The following ENTREP2 variants were observed in gnomAD, a reference collection of about 807,000 sequenced individuals.
The protein encoded by ENTREP2 is endosomal transmembrane epsin interactor 2.
chr15:29,273,777 C>G, the ENTREP2 span, among the ~76,000 whole-genome samples: 2 of 152,292 alleles, frequency 1.3e-5, no homozygotes, highest in Non-Finnish European at 1.5e-5. Flanking sequence ...TGGATGCCTC[C>G]TTCCCTTGAA....
chr15:29,334,736 C>T, the ENTREP2 span, among the ~76,000 whole-genome samples: 10 of 152,166 alleles, frequency 6.6e-5, no homozygotes, highest in African/African-American at 2.4e-4. Flanking sequence ...GCGAATGTGA[C>T]AGAGGTGACA....
chr15:29,130,575 A>T, the ENTREP2 span, among the ~76,000 whole-genome samples: 1 of 152,162 alleles, frequency 6.6e-6, no homozygotes, highest in Non-Finnish European at 1.5e-5. Flanking sequence ...AAAACAAGAG[A>T]AAGAAAATAT....
chr15:29,419,711 A>G, the ENTREP2 span, among the ~76,000 whole-genome samples: 1 of 152,236 alleles, frequency 6.6e-6, no homozygotes, highest in African/African-American at 2.4e-5. Context: ...CTGGACGCAC[A>G]TATTACCTTC....
At chr15:29,292,806 C>G in the ENTREP2 span, among the ~76,000 whole-genome samples, 1 of 152,142 alleles carries the variant, frequency 6.6e-6, no homozygotes, top group Non-Finnish European at 1.5e-5. Flanking sequence ...AAGGAGAGGG[C>G]TAGAGAGAGG....
the ENTREP2 span, among the ~76,000 whole-genome samples, chr15:29,331,693 C>T: frequency 1.3e-5 from 2 of 152,180 alleles, no homozygotes; most frequent in African/African-American, 4.8e-5. Context: ...GCAAGCTGAG[C>T]GGCTGGGAAG....
the ENTREP2 span, among the ~76,000 whole-genome samples, chr15:29,474,864 T>C: frequency 6.6e-6 from 1 of 152,152 alleles, no homozygotes; most frequent in Non-Finnish European, 1.5e-5. Context: ...GCCAAGGTCA[T>C]TTCTTCGGGG....
chr15:29,675,363 A>G, the ENTREP2 span: 1 of 151,578 alleles, frequency 6.6e-6, no homozygotes, highest in Non-Finnish European at 1.5e-5. Context: ...AGCCCGCGCG[A>G]CTCGCACGAG....
chr15:29,372,868 C>A, the ENTREP2 span, among the ~76,000 whole-genome samples: 5 of 152,020 alleles, frequency 3.3e-5, no homozygotes, highest in East Asian at 9.7e-4. Context: ...AGGAGAAATA[C>A]TGAATCGTTC....
chr15:29,233,644 T>C, the ENTREP2 span: 2 of 845,742 alleles, frequency 2.4e-6, no homozygotes, highest in East Asian at 4.8e-5. Context: ...GCTTAGTTTA[T>C]GCACTGTAAT....
chr15:29,573,811 T>C, the ENTREP2 span, among the ~76,000 whole-genome samples: 1 of 152,142 alleles, frequency 6.6e-6, no homozygotes, highest in East Asian at 1.9e-4. Context: ...TTTGGTCTGT[T>C]GGTGGGAGCT....
the ENTREP2 span, among the ~76,000 whole-genome samples, chr15:29,605,702 G>C: frequency 3.4e-5 from 3 of 89,508 alleles, no homozygotes; most frequent in Non-Finnish European, 7.2e-5. Flanking sequence ...TGGGCATGAT[G>C]GGGGGGTGCC....
the ENTREP2 span, among the ~76,000 whole-genome samples, chr15:29,585,363 G>A: frequency 4.6e-5 from 7 of 151,896 alleles, no homozygotes; most frequent in African/African-American, 1.7e-4. Context: ...TGAAACCCTC[G>A]AAAAAAAGAA....
the ENTREP2 span, among the ~76,000 whole-genome samples, chr15:29,581,479 A>G: frequency 2.0e-5 from 3 of 152,144 alleles, no homozygotes; most frequent in Admixed American, 2.0e-4. Context: ...ATCCATAAAC[A>G]CCTTCACAGA....
At chr15:29,651,277 G>A in the ENTREP2 span, among the ~76,000 whole-genome samples, 1 of 152,138 alleles carries the variant, frequency 6.6e-6, no homozygotes, top group South Asian at 2.1e-4. Flanking sequence ...TTGCAAACTA[G>A]ATTTTCAAAA....
chr15:29,356,756 A>C, the ENTREP2 span, among the ~76,000 whole-genome samples: 1 of 152,212 alleles, frequency 6.6e-6, no homozygotes, highest in African/African-American at 2.4e-5. Context: ...GGAGGGATAT[A>C]GTATTCCATG....
chr15:29,583,102 A>C, the ENTREP2 span, among the ~76,000 whole-genome samples: 1 of 152,238 alleles, frequency 6.6e-6, no homozygotes, highest in Non-Finnish European at 1.5e-5. Flanking sequence ...CGGCAAAAAG[A>C]CCAGGTGACT....
chr15:29,425,113 C>T, the ENTREP2 span, among the ~76,000 whole-genome samples: 1 of 152,130 alleles, frequency 6.6e-6, no homozygotes, highest in African/African-American at 2.4e-5. Flanking sequence ...ACTGCAAGCT[C>T]CACCTCCAGG....
the ENTREP2 span, among the ~76,000 whole-genome samples, chr15:29,585,484 T>C: frequency 6.6e-6 from 1 of 152,168 alleles, no homozygotes; most frequent in African/African-American, 2.4e-5. Context: ...ATGATCATAA[T>C]CAAAACTATG....
the ENTREP2 span, among the ~76,000 whole-genome samples, chr15:29,431,201 C>G: frequency 6.6e-6 from 1 of 152,132 alleles, no homozygotes; most frequent in Non-Finnish European, 1.5e-5. Context: ...GGTAAAATCA[C>G]GCTGGCAGTA....
Sources: gnomAD v4.1 joint callset for allele counts (sites outside exome capture counted in the v4.1 genomes callset) on GRCh38, gnomAD v4.1.1 for gene constraint, MANE v1.5 for transcripts, NCBI Gene and HGNC (gene_info 2026-07-23, HGNC 2026-07-21) for gene names.